RBCK1: variants seen among roughly 807,000 people sequenced by gnomAD.
The protein encoded by RBCK1 is ranBP-type and C3HC4-type zinc finger-containing protein 1.
A neutral mutation model predicts 71.1 loss-of-function variants in RBCK1; 44 were observed. The observed-to-expected ratio is 0.62, with a 90% CI of 0.49 to 0.80. The LOEUF is 0.80. Ranked by LOEUF, RBCK1 falls within the 30% of genes least tolerant of loss-of-function variation. The pLI is 0.00. For missense variants in RBCK1, 569 were observed against 685.0 expected (o/e 0.83, Z 1.89); for synonymous variants, 306 against 279.7 (o/e 1.09, Z -0.94).
At chr20:410,379 T>G in intron 2 of RBCK1, 1 of 777,918 alleles carries the variant, frequency 1.3e-6, no homozygotes, top group Non-Finnish European at 2.4e-6. Context: ...AGGCTCATAT[T>G]GTTTCTCTCA....
intron 6 of RBCK1, 87 bp downstream of exon 6, chr20:419,818 C>G: frequency 6.8e-7 from 1 of 1,464,840 alleles, no homozygotes; most frequent in Non-Finnish European, 9.0e-7. Flanking sequence ...CACTGCCGCG[C>G]CTCTCCGTTA....
At chr20:420,263 C>A in intron 6 of RBCK1, 1 of 985,042 alleles carries the variant, frequency 1.0e-6, no homozygotes, top group Non-Finnish European at 1.2e-6. Flanking sequence ...ACCCCCGACC[C>A]CGGTCCTACG....
At chr20:418,646 G>T (rs1217953506) in intron 4 of RBCK1, among the ~76,000 whole-genome samples, 1 of 152,226 alleles carries the variant, frequency 6.6e-6, no homozygotes, top group Non-Finnish European at 1.5e-5. Flanking sequence ...GGGATTACAG[G>T]CGTGAGCCAC....
chr20:430,362 A>G lies in RBCK1; in HGVS notation c.1465A>G (p.Thr489Ala), dbSNP rs201529134. 6.2e-7 allele frequency: 1 copy of G among 1,611,208 alleles called. No homozygotes were observed. Among genetic ancestry groups the G allele is most frequent in the Non-Finnish European group, 8.5e-7 (1 of 1,177,510 alleles). Residue 489 changes from threonine to alanine, a missense_variant, in exon 12 of 12, where the codon ACC (threonine) becomes GCC (alanine). Around this residue, in one of 2 missense-constraint regions of RBCK1, gnomAD observed 211 missense variants for 309.4 expected, o/e 0.68. Transcript: ENST00000356286. This position sits in a 1 kb window ranked among gnomAD's most constrained non-coding sequence, Gnocchi z 5.6. The part of the protein sequence containing the change: ...PRWGPGGPGD[T>A]SGGCRCRVNG... Reference sequence around the variant, plus strand: ...TCCCATCCTCTAGGGCCCAGGAGACACCAGCGGGGGCTGCCGCTGCAGGGT... The same window carrying G: ...TCCCATCCTCTAGGGCCCAGGAGACGCCAGCGGGGGCTGCCGCTGCAGGGT...
rs1469463434 is a variant in RBCK1 at position 419,380 on chromosome 20, G to A, written c.494G>A (p.Arg165Gln). Residue 165 changes from arginine to glutamine, a missense_variant, in exon 5 of 12, where the codon CGG becomes CAG. By Grantham distance (43) the Arg-to-Gln change is conservative. Around this residue, in one of 2 missense-constraint regions of RBCK1, gnomAD observed 358 missense variants for 375.6 expected, o/e 0.95. Transcript: ENST00000356286. Reference sequence around the variant, plus strand: ...TTCAAGGACCTCACGCTGCAGCCGCGGGGCCCTCTGGAGCCAGGCCCCCCA... The same window carrying A: ...TTCAAGGACCTCACGCTGCAGCCGCAGGGCCCTCTGGAGCCAGGCCCCCCA... ...LGFKDLTLQP[R>Q]GPLEPGPPKP... The A allele has an allele frequency of 1.9e-6, 3 of 1,612,450 alleles. No individual in the cohort carries two copies. Among genetic ancestry groups the A allele is most frequent in the Non-Finnish European group, 2.5e-6 (3 of 1,179,756 alleles).
In RBCK1 at chr20:408,581, G is replaced by A; in HGVS notation, c.-177G>A. 2 of 774,748 alleles carry A rather than the reference G, an allele frequency of 2.6e-6. No homozygotes were observed. The highest frequency in any genetic ancestry group is 4.3e-6 in the Non-Finnish European group (2 of 461,612). The allele number at this position is 774,748 out of a possible 1,614,324, so 48.0% of individuals were successfully genotyped here. ...AGGATCCCGGCCTGGTCACCGGGCA[G>A]TGTGATGCTTCCCGACTGCCGCGGG... On this transcript the variant is annotated 5_prime_UTR_variant, in exon 1 of 12. The change creates a new upstream start codon in the 5' untranslated region. Transcript: ENST00000356286.
Position 422,200 on chromosome 20 carries a change from TC to T in RBCK1, c.992del (p.Ser331CysfsTer15), listed in dbSNP as rs770141575. 6.2e-7 allele frequency: 1 copy of T among 1,613,370 alleles called. No homozygotes were observed. The highest frequency in any genetic ancestry group is 1.1e-5 in the South Asian group (1 of 91,080). On this transcript the variant is annotated frameshift_variant, in exon 8 of 12. Coordinates refer to ENST00000356286, the MANE Select transcript of RBCK1 (RefSeq NM_031229.4). LOFTEE classifies it high-confidence loss of function. The surrounding 1 kb of genome is among the most constrained non-coding windows in gnomAD (Gnocchi z 5.0). ...CTGCCCCTTCATTGACAACACCTAC[TC>T]GTGCTCGGGCAAGCTGCTGGAGAGG... ...VSCPFIDNTY[S>X]CSGKLLEREI...
rs770767944 is a variant in RBCK1 at position 420,874 on chromosome 20, A to AAGC, written c.772_774dup (p.Gln258dup). On this transcript the variant is annotated inframe_insertion, in exon 7 of 12. Coordinates refer to ENST00000356286, the MANE Select transcript of RBCK1 (RefSeq NM_031229.4). ...TGGCCCCGCCCCGTGTGCCCAGCGG[A>AAGC]AGCAGCAGCAGCAGGAGGGGAACTA... is the stretch of plus-strand genomic sequence containing the variant. 2 of 1,540,380 alleles carry AAGC rather than the reference A, an allele frequency of 1.3e-6. No homozygotes were observed. Among genetic ancestry groups the AAGC allele is most frequent in the Non-Finnish European group, 1.7e-6 (2 of 1,146,342 alleles).
intron 2 of RBCK1, among the ~76,000 whole-genome samples, chr20:411,558 G>A (rs763912049): frequency 6.6e-5 from 10 of 152,226 alleles, no homozygotes; most frequent in East Asian, 1.9e-4. Flanking sequence ...TAGTAGAGAC[G>A]GGGTTTCGCC....
intron 2 of RBCK1, among the ~76,000 whole-genome samples, chr20:412,655 T>C (rs1353303238): frequency 6.6e-6 from 1 of 152,082 alleles, no homozygotes; most frequent in Non-Finnish European, 1.5e-5. Flanking sequence ...AGGAGTACTT[T>C]ATTCATTTTA....
At position 422,646 on chromosome 20, in the gene RBCK1, A is replaced by G. The variant is rs181893541; in HGVS notation, c.1029+408A>G. Among the ~76,000 whole-genome samples, 4 of 152,222 alleles carry G rather than the reference A, an allele frequency of 2.6e-5. No individual in the cohort carries two copies. Among genetic ancestry groups the G allele is most frequent in the Admixed American group, 2.6e-4 (4 of 15,284 alleles). ...TGAGTTCCAGACCAACCTGGGCAAC[A>G]TGGCAAAAAATATTCAAAAAATAGC... On this transcript the variant is annotated intron_variant, in intron 8 of 11. Transcript: ENST00000356286. The surrounding 1 kb of genome is among the most constrained non-coding windows in gnomAD (Gnocchi z 5.0).
Position 428,159 on chromosome 20 carries a change from A to G in RBCK1, c.1210-332A>G, listed in dbSNP as rs2016834013. On this transcript the variant is annotated intron_variant, in intron 9 of 11. Coordinates refer to ENST00000356286, the MANE Select transcript of RBCK1 (RefSeq NM_031229.4). This position sits in a 1 kb window ranked among gnomAD's most constrained non-coding sequence, Gnocchi z 5.7. Reference sequence around the variant, plus strand: ...CTGTAACCCCGGGCAGGCCCTTGTTAGGGATGCAGGGTCTCACCCTAGGGG... The same window carrying G: ...CTGTAACCCCGGGCAGGCCCTTGTTGGGGATGCAGGGTCTCACCCTAGGGG... Among the ~76,000 whole-genome samples the G allele has an allele frequency of 6.6e-6, 1 of 152,180 alleles. No individual in the cohort carries two copies. Among genetic ancestry groups the G allele is most frequent in the Admixed American group, 6.5e-5 (1 of 15,284 alleles).
chr20:422,139 G>T lies in RBCK1; in HGVS notation c.930G>T (p.Gln310His). The change falls in exon 8 of 12, where the codon CAG (glutamine) becomes CAT (histidine). Residue 310 changes from glutamine (Q) to histidine (H), a missense_variant. Coordinates refer to ENST00000356286, the MANE Select transcript of RBCK1 (RefSeq NM_031229.4). This position sits in a 1 kb window ranked among gnomAD's most constrained non-coding sequence, Gnocchi z 5.0. ...TCCCCTCCCCTAGGGAGTGCCTGCA[G>T]GGCACCATCCGCAACAGCCAGGAGG... ...CLHTFCRECLQGTIRNSQEAE... is the reference protein window; with the variant it reads ...CLHTFCRECLHGTIRNSQEAE... The T allele has an allele frequency of 6.2e-7, 1 of 1,612,170 alleles. No individual in the cohort carries two copies. Among genetic ancestry groups the T allele is most frequent in the Non-Finnish European group, 8.5e-7 (1 of 1,179,736 alleles).
intron 6 of RBCK1, chr20:420,492 C>A (rs2016324480): frequency 1.0e-6 from 1 of 984,406 alleles, no homozygotes; most frequent in Non-Finnish European, 1.2e-6. Flanking sequence ...TGGCCCGGGC[C>A]CTGCCCTGCT....
In RBCK1 at chr20:422,369, C is replaced by A. The variant is rs1694392792; in HGVS notation, c.1029+131C>A. On this transcript the variant is annotated intron_variant, in intron 8 of 11. Transcript: ENST00000356286. The surrounding 1 kb of genome is among the most constrained non-coding windows in gnomAD (Gnocchi z 5.0). Reference sequence around the variant, plus strand: ...ATGGGGTCTCACTATGTTGTCCAAGCTGGTCTCAAACTCCTGGGCTTAAGC... The same window carrying A: ...ATGGGGTCTCACTATGTTGTCCAAGATGGTCTCAAACTCCTGGGCTTAAGC... 3 of 731,356 alleles carry A rather than the reference C, an allele frequency of 4.1e-6. No homozygotes were observed. 45.3% of individuals were successfully genotyped at this position (731,356 alleles called of 1,614,324 possible).
chr20:419,231 G>T, intron 4 of RBCK1, 116 bp from the exon 5 acceptor site: 2 of 1,400,926 alleles, frequency 1.4e-6, no homozygotes, highest in East Asian at 4.7e-5. Flanking sequence ...GGTACCCCCA[G>T]GGAGGAGGGA....
intron 1 of RBCK1, among the ~76,000 whole-genome samples, chr20:409,532 A>T (rs1348700514): frequency 1.3e-5 from 2 of 150,234 alleles, no homozygotes; most frequent in East Asian, 3.9e-4. Context: ...CCATAAGGAG[A>T]GGGGCCCTGT....
intron 4 of RBCK1, among the ~76,000 whole-genome samples, 167 bp downstream of exon 4, chr20:418,097 C>T (rs2016105616): frequency 6.6e-6 from 1 of 152,176 alleles, no homozygotes; most frequent in Non-Finnish European, 1.5e-5. Context: ...GGGAGCATTT[C>T]AGGGACCCAT....
In RBCK1 at chr20:408,641, G is replaced by T. The variant is rs997397571; in HGVS notation, c.-117G>T. 2.5e-5 allele frequency: 35 copies of T among 1,380,428 alleles called. No homozygotes were observed. In the African/African-American group the frequency reaches 4.3e-4, roughly 17 times the overall value. 85.5% of individuals were successfully genotyped at this position (1,380,428 alleles called of 1,614,324 possible). A position where few individuals can be genotyped will look rare whatever the true frequency, so the allele number is the denominator to read the frequency against. On this transcript the variant is annotated 5_prime_UTR_variant, in exon 1 of 12. Coordinates refer to ENST00000356286, the MANE Select transcript of RBCK1 (RefSeq NM_031229.4). ...GCACACACAGGGCTTGGGCCGCGCC[G>T]GAGGCCACACGGCCTGGCTGAGTTG...
Sources: allele counts gnomAD v4.1 joint callset (sites outside exome capture counted in the v4.1 genomes callset), GRCh38; gene constraint gnomAD v4.1.1; regional missense constraint gnomAD v4.1.1; non-coding constraint Gnocchi (gnomAD v3.1); transcripts MANE v1.5; gene names NCBI Gene and HGNC (gene_info 2026-07-23, HGNC 2026-07-21).